Variants in PXDNL observed in about 807,000 individuals in gnomAD.
PXDNL encodes peroxidasin like.
PXDNL carries 145 observed loss-of-function variants against 150.8 expected under a neutral mutation model. The observed-to-expected ratio is 0.96, with a 90% CI of 0.84 to 1.10. The LOEUF is 1.10. PXDNL is among the 50% of genes least tolerant of loss of function. The pLI, the probability that PXDNL is intolerant of heterozygous loss-of-function variation, is 0.00. For synonymous variants in PXDNL, 757 were observed against 725.7 expected (o/e 1.04, Z -0.69); for missense variants, 2,087 against 1,873.9 (o/e 1.11, Z -2.10).
chr8:51,693,994 A>G (rs1816058582), intron 1 of PXDNL, among the ~76,000 whole-genome samples: 1 of 152,200 alleles, frequency 6.6e-6, no homozygotes. Context: ...TCTGTTTTTC[A>G]AGTAATATTC....
At chr8:51,593,459 G>T (rs897107353) in intron 2 of PXDNL, among the ~76,000 whole-genome samples, 1 of 152,168 alleles carries the variant, frequency 6.6e-6, no homozygotes, top group African/African-American at 2.4e-5. Context: ...ACATGTTCCT[G>T]AATATTCTAT....
chr8:51,553,771 T>TATATATATATATATATATACACAC (rs1236843720), intron 4 of PXDNL, among the ~76,000 whole-genome samples: 9 of 63,838 alleles, frequency 1.4e-4, no homozygotes, highest in African/African-American at 7.5e-4. Flanking sequence ...TATATATATA[T>TATATATATATATATATATACACAC]ACACACACTG....
intron 12 of PXDNL, among the ~76,000 whole-genome samples, chr8:51,440,317 T>C (rs1446243039): frequency 1.3e-5 from 2 of 152,046 alleles, no homozygotes; most frequent in Non-Finnish European, 2.9e-5. Context: ...AGACTACACA[T>C]TGGGTACAAT....
At chr8:51,768,962 A>AGT (rs1219149592) in intron 1 of PXDNL, among the ~76,000 whole-genome samples, 1 of 152,076 alleles carries the variant, frequency 6.6e-6, no homozygotes, top group Admixed American at 6.6e-5. Flanking sequence ...ATTAGCTGGG[A>AGT]GTGGTGGTTG....
At chr8:51,754,460 GC>G (rs1299137146) in intron 1 of PXDNL, among the ~76,000 whole-genome samples, 1 of 152,060 alleles carries the variant, frequency 6.6e-6, no homozygotes, top group Non-Finnish European at 1.5e-5. Context: ...AATAAAAAAG[GC>G]TTCCCTGAGA....
In PXDNL at chr8:51,423,199, T is replaced by A. The variant is rs1809002329; in HGVS notation, c.1795+376A>T. Among the ~76,000 whole-genome samples the A allele has an allele frequency of 2.6e-5, 4 of 152,320 alleles. No individual in the cohort carries two copies. In the South Asian group the frequency reaches 8.3e-4, roughly 32 times the overall value. On this transcript the variant is annotated intron_variant, in intron 14 of 22. Coordinates refer to ENST00000356297, the MANE Select transcript of PXDNL (RefSeq NM_144651.5). ...ATTGATTTCTAATTTTAAACTGGGATTAAATATACTAGGCTAGAGTATGTA... is the reference window on the plus strand; with the variant it reads ...ATTGATTTCTAATTTTAAACTGGGAATAAATATACTAGGCTAGAGTATGTA...
intron 1 of PXDNL, among the ~76,000 whole-genome samples, chr8:51,770,828 G>A (rs1293329063): frequency 6.6e-6 from 1 of 152,182 alleles, no homozygotes; most frequent in African/African-American, 2.4e-5. Flanking sequence ...TCTCAATGAT[G>A]GATGGAGCCG....
rs370556215 is a variant in PXDNL, at chr8:51,658,420, G to A, written c.165-3660C>T. Reference sequence around the variant, plus strand: ...TGATTGGACACCCAAAGATTTTCTCGAGATCGACTTAAACTCCAATAAGTC... The same window carrying A: ...TGATTGGACACCCAAAGATTTTCTCAAGATCGACTTAAACTCCAATAAGTC... On this transcript the variant is annotated intron_variant, in intron 1 of 22. Coordinates refer to ENST00000356297, the MANE Select transcript of PXDNL (RefSeq NM_144651.5). Among the ~76,000 whole-genome samples, 24 of 149,168 alleles carry A rather than the reference G, an allele frequency of 1.6e-4. No homozygotes were observed. The East Asian group carries it at 1.8e-3, about 11-fold the overall frequency.
chr8:51,623,798 T>G lies in PXDNL; in HGVS notation c.236+30891A>C, dbSNP rs773969057. The stretch of plus-strand genomic sequence containing the variant: ...AAGTGTGTGAAACTAGCAATCAGGA[T>G]GAATCCACAAGCCAGGCATGGTGGG... On this transcript the variant is annotated intron_variant, in intron 2 of 22. Transcript: ENST00000356297. Among the ~76,000 whole-genome samples the G allele has an allele frequency of 1.3e-3, 201 of 152,242 alleles. 2 individuals are homozygous for G. Among genetic ancestry groups the G allele is most frequent in the Non-Finnish European group, 1.3e-4 (9 of 67,998 alleles).
chr8:51,361,892 C>G (rs1418589549), intron 19 of PXDNL, among the ~76,000 whole-genome samples: 2 of 118,288 alleles, frequency 1.7e-5, no homozygotes, highest in African/African-American at 6.5e-5. Flanking sequence ...AACCGCAGGT[C>G]TTGCCACTGC....
chr8:51,449,731 TA>T (rs915946574), intron 10 of PXDNL, among the ~76,000 whole-genome samples: 1 of 152,116 alleles, frequency 6.6e-6, no homozygotes, highest in South Asian at 2.1e-4. Flanking sequence ...TTTGATTGAA[TA>T]AAAAAATAAA....
At chr8:51,600,966 T>A (rs1813707178) in intron 2 of PXDNL, among the ~76,000 whole-genome samples, 2 of 145,150 alleles carry the variant, frequency 1.4e-5, no homozygotes, top group African/African-American at 2.5e-5. Context: ...ATAAATTATA[T>A]AATTTATATA....
chr8:51,473,332 G>T (rs1309273546), intron 7 of PXDNL, among the ~76,000 whole-genome samples: 1 of 111,568 alleles, frequency 9.0e-6, no homozygotes, highest in African/African-American at 2.7e-5. Flanking sequence ...AACATATGCG[G>T]CAAATGCTTA....
chr8:51,404,335 G>A (rs1808371716), intron 17 of PXDNL, among the ~76,000 whole-genome samples: 1 of 152,196 alleles, frequency 6.6e-6, no homozygotes, highest in African/African-American at 2.4e-5. Context: ...ACAGAGAGCT[G>A]ATTGGTCTGG....
intron 14 of PXDNL, among the ~76,000 whole-genome samples, chr8:51,419,907 G>C (rs1413634796): frequency 1.3e-5 from 2 of 152,122 alleles, no homozygotes; most frequent in Non-Finnish European, 2.9e-5. Flanking sequence ...AGGAAATACT[G>C]TATCAGTCTT....
chr8:51,456,700 T>C (rs1464011544), intron 9 of PXDNL, among the ~76,000 whole-genome samples: 1 of 152,242 alleles, frequency 6.6e-6, no homozygotes, highest in Admixed American at 6.5e-5. Flanking sequence ...AAGTGCTATA[T>C]TATGATGAAC....
intron 1 of PXDNL, among the ~76,000 whole-genome samples, chr8:51,658,104 G>C (rs1412479664): frequency 6.6e-6 from 1 of 152,108 alleles, no homozygotes; most frequent in African/African-American, 2.4e-5. Flanking sequence ...AGCACTTTGG[G>C]AGGCTGAGGC....
intron 1 of PXDNL, among the ~76,000 whole-genome samples, chr8:51,740,801 T>C (rs919020243): frequency 1.3e-5 from 2 of 152,156 alleles, no homozygotes; most frequent in African/African-American, 4.8e-5. Flanking sequence ...TGCATCCCGG[T>C]GATGAAGCTA....
rs765728701 is a variant in PXDNL at position 51,472,192 on chromosome 8, G to C, written c.807C>G (p.His269Gln). ...TGTCCATGCTCAGTATTTACTTGTT[G>C]TGTATCCAAATAATCTCAGGTTTGG... ...GNPKPEIIWI[H>Q]NNHSLDLEDD... is the part of the protein sequence containing the mutation. The change falls in exon 8 of 23, where the codon CAC (histidine) becomes CAG (glutamine). Residue 269 changes from histidine (H) to glutamine (Q), a missense_variant. By Grantham distance (24) the His-to-Gln change is conservative. Transcript: ENST00000356297. The C allele has an allele frequency of 1.9e-6, 3 of 1,603,936 alleles. No homozygotes were observed. The highest frequency in any genetic ancestry group is 2.6e-6 in the Non-Finnish European group (3 of 1,170,890).
Sources: gnomAD v4.1 joint callset for allele counts (sites outside exome capture counted in the v4.1 genomes callset) on GRCh38, gnomAD v4.1.1 for gene constraint, MANE v1.5 for transcripts, NCBI Gene and HGNC (gene_info 2026-07-23, HGNC 2026-07-21) for gene names.